TTC29: variants seen among roughly 807,000 people sequenced by gnomAD.
TTC29 encodes tetratricopeptide repeat protein 29.
TTC29 carries 49 observed loss-of-function variants against 58.1 expected under a neutral mutation model. The ratio of observed to expected loss-of-function variants is 0.84; its 90% CI spans 0.67 to 1.07. TTC29 has a LOEUF of 1.07. Among genes scored for constraint, TTC29 ranks in the 50% least tolerant of loss-of-function variants. The pLI, the probability that TTC29 is intolerant of heterozygous loss-of-function variation, is 0.00. For synonymous variants in TTC29, 209 were observed against 196.8 expected, an observed-to-expected ratio of 1.06 and a Z score of -0.52; for missense variants, 582 against 555.6, an observed-to-expected ratio of 1.05 and a Z score of -0.48.
intron 5 of TTC29, among the ~76,000 whole-genome samples, chr4:146,906,406 T>C (rs886787295): frequency 6.6e-6 from 1 of 152,232 alleles, no homozygotes; most frequent in African/African-American, 2.4e-5. Context: ...GTGATGGTTC[T>C]TCCAATGAGA....
In TTC29 at chr4:146,712,579, C is replaced by T. The variant is rs144253774; in HGVS notation, c.1331-5028G>A. 2.1e-3 allele frequency among the ~76,000 whole-genome samples: 317 copies of T among 152,172 alleles called. 3 individuals carry two copies. In the East Asian group the frequency reaches 0.032, roughly 15 times the overall value. On this transcript the variant is annotated intron_variant, in intron 11 of 12. Transcript: ENST00000325106. ...CAATTGAACTTTTCAGCAGAGGTTTCCTAATATTTCTTGTACTTGCTTGCC... is the reference window on the plus strand; with the variant it reads ...CAATTGAACTTTTCAGCAGAGGTTTTCTAATATTTCTTGTACTTGCTTGCC...
At chr4:146,710,112 C>T (rs55715563) in intron 11 of TTC29, among the ~76,000 whole-genome samples, 1 of 152,138 alleles carries the variant, frequency 6.6e-6, no homozygotes, top group Non-Finnish European at 1.5e-5. Context: ...TCAAGTGTCA[C>T]TTAACGACAA....
intron 11 of TTC29, among the ~76,000 whole-genome samples, chr4:146,713,287 TTCCTCC>T (rs144211688): frequency 6.7e-6 from 1 of 149,960 alleles, no homozygotes; most frequent in East Asian, 2.0e-4. Context: ...TTTATTCGTT[TTCCTCC>T]TCCTCCTCCT....
At chr4:146,939,123 A>G (rs921001049) in intron 3 of TTC29, among the ~76,000 whole-genome samples, 7 of 151,962 alleles carry the variant, frequency 4.6e-5, no homozygotes, top group African/African-American at 1.7e-4. Context: ...TTCTTCCAAA[A>G]CAGAAGTCAG....
intron 11 of TTC29, among the ~76,000 whole-genome samples, chr4:146,728,895 G>GTATATATATGTGTGTATGTA (rs1744115028): frequency 1.2e-5 from 1 of 84,412 alleles, no homozygotes; most frequent in Non-Finnish European, 2.8e-5. Context: ...ATGTGTGTAT[G>GTATATATATGTGTGTATGTA]TATATATATA....
chr4:146,879,442 C>A (rs1731481987), intron 6 of TTC29, among the ~76,000 whole-genome samples: 1 of 152,036 alleles, frequency 6.6e-6, no homozygotes, highest in South Asian at 2.1e-4. Context: ...AGACATAATG[C>A]ATACTGCTTT....
intron 5 of TTC29, among the ~76,000 whole-genome samples, chr4:146,904,833 G>GA: frequency 6.6e-6 from 1 of 152,156 alleles, no homozygotes; most frequent in South Asian, 2.1e-4. Flanking sequence ...CCAAAAGTCA[G>GA]AAAAAATGAA....
intron 11 of TTC29, among the ~76,000 whole-genome samples, chr4:146,783,838 G>T (rs1249877685): frequency 6.6e-6 from 1 of 152,018 alleles, no homozygotes; most frequent in African/African-American, 2.4e-5. Context: ...TTTAACAAAT[G>T]TTATGTTAAT....
intron 6 of TTC29, among the ~76,000 whole-genome samples, chr4:146,894,615 G>A (rs1732635167): frequency 6.6e-6 from 1 of 151,830 alleles, no homozygotes; most frequent in Non-Finnish European, 1.5e-5. Flanking sequence ...CACCAACATG[G>A]CACATGTATA....
chr4:146,832,445 GGC>G (rs1349823242), intron 9 of TTC29, among the ~76,000 whole-genome samples: 1 of 152,026 alleles, frequency 6.6e-6, no homozygotes, highest in East Asian at 1.9e-4. Flanking sequence ...ATCCATGACT[GGC>G]TCTGTCTTTC....
chr4:146,925,957 T>C (rs912088698), intron 4 of TTC29, among the ~76,000 whole-genome samples: 6 of 152,180 alleles, frequency 3.9e-5, no homozygotes, highest in Admixed American at 6.6e-5. Context: ...TTTATAACAA[T>C]AGATTGCCTT....
At chr4:146,816,862 T>TA in intron 10 of TTC29, among the ~76,000 whole-genome samples, 2 of 152,262 alleles carry the variant, frequency 1.3e-5, no homozygotes, top group Middle Eastern at 6.8e-3. Context: ...CCTTCTGAAA[T>TA]AAAGTCAATT....
intron 9 of TTC29, among the ~76,000 whole-genome samples, chr4:146,825,026 A>G (rs1355343845): frequency 1.3e-5 from 2 of 151,712 alleles, no homozygotes; most frequent in African/African-American, 4.8e-5. Context: ...CAGTTTATCT[A>G]TTTTATTAAT....
chr4:146,802,220 C>G (rs540586760), intron 11 of TTC29, among the ~76,000 whole-genome samples: 113 of 152,170 alleles, frequency 7.4e-4, no homozygotes, highest in African/African-American at 2.6e-3. Flanking sequence ...GTTTCCTCTG[C>G]ATTGTTTTCT....
intron 6 of TTC29, among the ~76,000 whole-genome samples, chr4:146,889,462 G>C (rs915022036): frequency 6.6e-6 from 1 of 152,060 alleles, no homozygotes; most frequent in Non-Finnish European, 1.5e-5. Flanking sequence ...CCATAATTTT[G>C]CATCATCAAT....
chr4:146,855,516 A>G (rs72733707), intron 8 of TTC29, among the ~76,000 whole-genome samples: 5,617 of 152,280 alleles, frequency 0.037, 160 homozygotes, highest in East Asian at 0.13. Context: ...TTTATTAGTT[A>G]TTAATGAAAC....
At chr4:146,814,270 T>C (rs1751232357) in intron 10 of TTC29, among the ~76,000 whole-genome samples, 1 of 152,092 alleles carries the variant, frequency 6.6e-6, no homozygotes, top group Admixed American at 6.5e-5. Flanking sequence ...GCTACATGGA[T>C]AATTCAAATA....
intron 5 of TTC29, among the ~76,000 whole-genome samples, 186 bp from the exon 6 acceptor site, chr4:146,903,915 G>T (rs188847160): frequency 1.3e-5 from 2 of 152,178 alleles, no homozygotes; most frequent in East Asian, 3.9e-4. Context: ...TTAATTAAAG[G>T]ATGTGCAGAT....
intron 11 of TTC29, among the ~76,000 whole-genome samples, chr4:146,790,843 A>G (rs1749397477): frequency 6.6e-6 from 1 of 152,218 alleles, no homozygotes; most frequent in Non-Finnish European, 1.5e-5. Flanking sequence ...CTTCCTTAAT[A>G]GTTCTCATGA....
Sources: gnomAD v4.1 joint callset for allele counts (sites outside exome capture counted in the v4.1 genomes callset) on GRCh38, gnomAD v4.1.1 for gene constraint, MANE v1.5 for transcripts, NCBI Gene and HGNC (gene_info 2026-07-23, HGNC 2026-07-21) for gene names.